AKAP19: variants seen among roughly 807,000 people sequenced by gnomAD.
AKAP19 encodes A-kinase anchoring protein 19, also known as small A-kinase anchoring protein.
At chr2:190,197,289 G>A in the AKAP19 span, among the ~76,000 whole-genome samples, 1 of 152,166 alleles carries the variant, frequency 6.6e-6, no homozygotes, top group Admixed American at 6.5e-5. This position sits in a 1 kb window ranked among gnomAD's most constrained non-coding sequence, Gnocchi z 4.0. Context: ...CGCATTTCTT[G>A]AGTAGTAACT....
chr2:189,946,862 A>C, the AKAP19 span, among the ~76,000 whole-genome samples: 29 of 152,356 alleles, frequency 1.9e-4, no homozygotes, highest in African/African-American at 7.0e-4. Context: ...ATCAGTACAC[A>C]TAAAAATTAT....
the AKAP19 span, among the ~76,000 whole-genome samples, chr2:190,058,763 G>T: frequency 6.6e-6 from 1 of 152,062 alleles, no homozygotes; most frequent in Non-Finnish European, 1.5e-5. Context: ...AATACCATAC[G>T]TTCTTACTTA....
At chr2:189,927,377 G>A in the AKAP19 span, among the ~76,000 whole-genome samples, 25 of 152,074 alleles carry the variant, frequency 1.6e-4, no homozygotes, top group Non-Finnish European at 2.8e-4. Flanking sequence ...AAATGAAATC[G>A]AATTAACAGT....
At chr2:189,967,854 TAAA>T in the AKAP19 span, among the ~76,000 whole-genome samples, 5 of 139,804 alleles carry the variant, frequency 3.6e-5, no homozygotes, top group Non-Finnish European at 6.3e-5. Context: ...AATTTGAAAT[TAAA>T]AAAAAAAAAG....
the AKAP19 span, among the ~76,000 whole-genome samples, chr2:190,153,043 C>A: frequency 6.6e-6 from 1 of 152,022 alleles, no homozygotes; most frequent in Admixed American, 6.6e-5. Context: ...CTACAGGTGT[C>A]CACCACGACG....
At chr2:189,917,689 G>A in the AKAP19 span, 1 of 250,398 alleles carries the variant, frequency 4.0e-6, no homozygotes, top group Non-Finnish European at 7.9e-6. Context: ...GGTTGATCTT[G>A]AGAAGTTATT....
chr2:189,924,262 A>G, the AKAP19 span: 8 of 1,279,808 alleles, frequency 6.3e-6, no homozygotes, highest in Admixed American at 1.0e-4. Context: ...TTCTTTACCT[A>G]GGCGCTTGTC....
the AKAP19 span, among the ~76,000 whole-genome samples, chr2:190,077,517 T>C: frequency 2.6e-5 from 4 of 152,186 alleles, no homozygotes; most frequent in African/African-American, 9.7e-5. Context: ...TTGGTCAGGC[T>C]AGTCTTGAAC....
At chr2:190,062,571 T>C in the AKAP19 span, 2 of 1,612,682 alleles carry the variant, frequency 1.2e-6, no homozygotes, top group South Asian at 1.1e-5. Flanking sequence ...CAGGTAAATA[T>C]AAACACAGAG....
the AKAP19 span, among the ~76,000 whole-genome samples, chr2:190,153,953 C>G: frequency 6.6e-6 from 1 of 152,282 alleles, no homozygotes; most frequent in East Asian, 1.9e-4. Context: ...TACCTACTCT[C>G]TAAAGATTCC....
chr2:189,983,490 T>C, the AKAP19 span, among the ~76,000 whole-genome samples: 2 of 152,344 alleles, frequency 1.3e-5, no homozygotes, highest in South Asian at 4.1e-4. Context: ...CGTGCATGCA[T>C]GCTGGTCTTT....
the AKAP19 span, among the ~76,000 whole-genome samples, chr2:189,895,602 C>A: frequency 6.6e-6 from 1 of 152,122 alleles, no homozygotes; most frequent in Non-Finnish European, 1.5e-5. Context: ...TGTACCAATA[C>A]TGGTCTTACT....
the AKAP19 span, among the ~76,000 whole-genome samples, chr2:190,106,037 G>A: frequency 6.6e-6 from 1 of 152,134 alleles, no homozygotes. Flanking sequence ...GAAGTTAATT[G>A]CAATTTTCAT....
chr2:189,941,358 T>C, the AKAP19 span, among the ~76,000 whole-genome samples: 1 of 152,154 alleles, frequency 6.6e-6, no homozygotes, highest in Non-Finnish European at 1.5e-5. Context: ...CACTCGTAAC[T>C]CCAGTATGAA....
chr2:189,924,095 C>T, the AKAP19 span: 1 of 1,566,538 alleles, frequency 6.4e-7, no homozygotes, highest in East Asian at 2.3e-5. Flanking sequence ...GGGGGACCTA[C>T]TGGATGATGA....
At chr2:189,932,819 T>A in the AKAP19 span, among the ~76,000 whole-genome samples, 27 of 152,142 alleles carry the variant, frequency 1.8e-4, no homozygotes, top group Non-Finnish European at 2.8e-4. Flanking sequence ...TGAATATGTC[T>A]CCTGGTAAAA....
At chr2:190,095,282 A>C in the AKAP19 span, among the ~76,000 whole-genome samples, 5 of 152,218 alleles carry the variant, frequency 3.3e-5, no homozygotes, top group Admixed American at 6.5e-5. Context: ...AATTGCTATA[A>C]ATCAAGAAAT....
At chr2:189,972,793 T>C in the AKAP19 span, among the ~76,000 whole-genome samples, 30 of 152,220 alleles carry the variant, frequency 2.0e-4, no homozygotes, top group African/African-American at 7.2e-4. Context: ...TGTCTGTTAT[T>C]GGTGTATAAG....
chr2:190,019,414 T>C, the AKAP19 span, among the ~76,000 whole-genome samples: 7 of 152,090 alleles, frequency 4.6e-5, no homozygotes, highest in East Asian at 1.2e-3. Context: ...GGTCAAAGAC[T>C]GGGCATGAGG....
Sources: allele counts gnomAD v4.1 joint callset (sites outside exome capture counted in the v4.1 genomes callset), GRCh38; gene constraint gnomAD v4.1.1; non-coding constraint Gnocchi (gnomAD v3.1); transcripts MANE v1.5; gene names NCBI Gene and HGNC (gene_info 2026-07-23, HGNC 2026-07-21).